The following DYSF variants were observed in gnomAD, a reference collection of about 807,000 sequenced individuals.
DYSF encodes dystrophy-associated fer-1-like 1.
Under a neutral mutation model 274.9 loss-of-function variants are expected in DYSF, and 212 were observed. That is an observed-to-expected ratio of 0.77 (90% CI 0.69 to 0.86). The LOEUF (loss-of-function observed/expected upper bound fraction) is 0.86. Among genes scored for constraint, DYSF ranks in the 40% least tolerant of loss-of-function variants. The pLI, the probability that DYSF is intolerant of heterozygous loss-of-function variation, is 0.00. For synonymous variants in DYSF, 1,091 were observed against 1,078.7 expected (o/e 1.01, Z -0.22); for missense variants, 2,666 against 2,783.2 (o/e 0.96, Z 0.95).
chr2:71,553,952 A>G, intron 21 of DYSF, 21 bp downstream of exon 21: 1 of 1,614,070 alleles, frequency 6.2e-7, no homozygotes, highest in African/African-American at 1.3e-5. Flanking sequence ...ACTTGCCCAA[A>G]GCTGCACATG....
At chr2:71,617,715 GGTGTGTGTGTGGTAGAGGTGGT>G (rs1558634733) in intron 40 of DYSF, among the ~76,000 whole-genome samples, 3 of 105,702 alleles carry the variant, frequency 2.8e-5, no homozygotes, top group Admixed American at 9.9e-5. Context: ...GTAGAGGTGG[GGTGTGTGTGTGGTAGAGGTGGT>G]GTGTGTGTAT....
At chr2:71,664,549 C>A in intron 46 of DYSF, 111 bp downstream of exon 46, 2 of 1,343,968 alleles carry the variant, frequency 1.5e-6, no homozygotes, top group Non-Finnish European at 2.1e-6. Flanking sequence ...GGGCTTAGCA[C>A]TTCCTAGGCA....
At chr2:71,676,797 A>C (rs1438032146) in intron 52 of DYSF, among the ~76,000 whole-genome samples, 3 of 152,124 alleles carry the variant, frequency 2.0e-5, no homozygotes, top group Non-Finnish European at 4.4e-5. Flanking sequence ...TAATTACATA[A>C]CTTGTGTCTT....
chr2:71,648,581 C>A lies in DYSF; in HGVS notation c.4626+4518C>A, dbSNP rs149620785. 7.9e-5 allele frequency among the ~76,000 whole-genome samples: 12 copies of A among 152,096 alleles called. No homozygotes were observed. In the East Asian group the frequency reaches 1.7e-3, roughly 22 times the overall value. ...AAAAAACCATAATGGTTTAATAAAACCTTACGGAAATGAAAGAATAGTTGA... is the reference window on the plus strand; with the variant it reads ...AAAAAACCATAATGGTTTAATAAAAACTTACGGAAATGAAAGAATAGTTGA... On this transcript the variant is annotated intron_variant, in intron 42 of 55. Coordinates refer to ENST00000410020, the MANE Select transcript of DYSF (RefSeq NM_001130987.2).
At position 71,570,907 on chromosome 2, in the gene DYSF, G is replaced by A. The variant is rs889393050; in HGVS notation, c.3228+166G>A. 1.1e-5 allele frequency: 11 copies of A among 979,644 alleles called. No homozygotes were observed. In the African/African-American group the frequency reaches 1.8e-4, roughly 16 times the overall value. The allele number at this position is 979,644 out of a possible 1,614,324, so 60.7% of individuals were successfully genotyped here. On this transcript the variant is annotated intron_variant, in intron 29 of 55. Transcript: ENST00000410020. The stretch of plus-strand genomic sequence containing the variant: ...ACAGATCACACCCAGCATACCCAAA[G>A]ATCACACCCAGCATACACACAGATC...
chr2:71,591,053 T>G (rs2152844457), intron 32 of DYSF, among the ~76,000 whole-genome samples: 1 of 152,340 alleles, frequency 6.6e-6, no homozygotes, highest in African/African-American at 2.4e-5. Context: ...AGCAGACAAG[T>G]CCCTTGTGAT....
chr2:71,565,924 C>T (rs776591424), intron 24 of DYSF, among the ~76,000 whole-genome samples: 4 of 152,194 alleles, frequency 2.6e-5, no homozygotes, highest in South Asian at 2.1e-4. Flanking sequence ...CTGCTCTATG[C>T]GTGCCATGAC....
At chr2:71,534,344 C>T (rs1158933740) in intron 14 of DYSF, among the ~76,000 whole-genome samples, 1 of 152,150 alleles carries the variant, frequency 6.6e-6, no homozygotes, top group East Asian at 1.9e-4. Context: ...GTATAGGATC[C>T]CTGGGGCTGG....
Position 71,615,516 on chromosome 2 carries a change from A to G in DYSF, c.4464+2106A>G, listed in dbSNP as rs891914104. On this transcript the variant is annotated intron_variant, in intron 40 of 55. Transcript: ENST00000410020. This position sits in a 1 kb window ranked among gnomAD's most constrained non-coding sequence, Gnocchi z 4.9. ...GGGAGACCAGTTCTGTTCTGCAGGG[A>G]GCCCTGGCCCTCTGGGGAAGCCCCT... is the stretch of plus-strand genomic sequence containing the variant. 6.6e-6 allele frequency among the ~76,000 whole-genome samples: 1 copy of G among 152,162 alleles called. No individual in the cohort carries two copies. The highest frequency in any genetic ancestry group is 1.5e-5 in the Non-Finnish European group (1 of 68,030).
At chr2:71,571,428 GCACACACAGATCACACCCAGCACA>G (rs2092437706) in intron 29 of DYSF, among the ~76,000 whole-genome samples, 1 of 97,746 alleles carries the variant, frequency 1.0e-5, no homozygotes, top group East Asian at 3.8e-4. Flanking sequence ...ATCACAGTCA[GCACACACAGATCACACCCAGCACA>G]CACACAGATC....
At chr2:71,607,457 C>A (rs2093667269) in intron 36 of DYSF, among the ~76,000 whole-genome samples, 1 of 152,158 alleles carries the variant, frequency 6.6e-6, no homozygotes, top group Non-Finnish European at 1.5e-5. Flanking sequence ...GAAGAGTCTG[C>A]ACTTCATCCT....
At chr2:71,601,881 C>T (rs1473654987) in intron 35 of DYSF, among the ~76,000 whole-genome samples, 2 of 152,220 alleles carry the variant, frequency 1.3e-5, no homozygotes, top group Non-Finnish European at 2.9e-5. Flanking sequence ...CTGACTTAGC[C>T]CCAGGGTTCT....
In DYSF at chr2:71,517,106, C is replaced by A. The variant is rs2086737902; in HGVS notation, c.1002+67C>A. ...TCCGTGTTGGTGGAGCCTCTGTGGA[C>A]CATGGGCAGGGGCTCCAGAGATCCT... On this transcript the variant is annotated intron_variant, in intron 10 of 55. Coordinates refer to ENST00000410020, the MANE Select transcript of DYSF (RefSeq NM_001130987.2). 15 of 1,451,814 alleles carry A rather than the reference C, an allele frequency of 1.0e-5. No individual in the cohort carries two copies. The South Asian group carries it at 1.6e-4, about 15-fold the overall frequency. 89.9% of individuals were successfully genotyped at this position (1,451,814 alleles called of 1,614,324 possible).
Position 71,610,976 on chromosome 2 carries a change from TG to T in DYSF, c.3958-266del, listed in dbSNP as rs1291389225. On this transcript the variant is annotated intron_variant, in intron 36 of 55. Coordinates refer to ENST00000410020, the MANE Select transcript of DYSF (RefSeq NM_001130987.2). Reference sequence around the variant, plus strand: ...TCAGGGGGCATCAGAGCCTGCATTATGGGAGGAGGGGTGACGGGATTCAGTT... The same window carrying T: ...TCAGGGGGCATCAGAGCCTGCATTATGGAGGAGGGGTGACGGGATTCAGTT... The T allele has an allele frequency of 9.9e-6, 5 of 506,110 alleles. No homozygotes were observed. In the East Asian group the frequency reaches 1.5e-4, roughly 15 times the overall value. 31.4% of individuals were successfully genotyped at this position (506,110 alleles called of 1,614,324 possible).
At chr2:71,501,025 A>G (rs1248535154) in intron 3 of DYSF, among the ~76,000 whole-genome samples, 2 of 152,120 alleles carry the variant, frequency 1.3e-5, no homozygotes, top group Non-Finnish European at 2.9e-5. Flanking sequence ...AGGACAATTC[A>G]GTCAACATAC....
intron 30 of DYSF, chr2:71,577,271 C>G (rs1367189234): frequency 6.5e-6 from 1 of 153,816 alleles, no homozygotes; most frequent in Admixed American, 6.6e-5. Flanking sequence ...CACACACACT[C>G]TTTCCACTCA....
chr2:71,513,888 A>G lies in DYSF; in HGVS notation c.726A>G (p.Arg242=), dbSNP rs1176505052. The part of the protein sequence containing the change: ...IKRKRSAPTS[R]KLLSDKPQDF... ...GAAAGCGAAGTGCGCCTACATCTAG[A>G]AAGCTGCTGTCAGACAAACCGCAGG... The change falls in exon 7 of 56, where the codon AGA becomes AGG. Residue 242 remains arginine (R), a synonymous_variant. Coordinates refer to ENST00000410020, the MANE Select transcript of DYSF (RefSeq NM_001130987.2). The G allele has an allele frequency of 1.2e-6, 2 of 1,614,196 alleles. No homozygotes were observed. Among genetic ancestry groups the G allele is most frequent in the East Asian group, 4.5e-5 (2 of 44,872 alleles).
intron 12 of DYSF, among the ~76,000 whole-genome samples, chr2:71,522,141 A>G (rs1473749050): frequency 4.0e-5 from 6 of 151,854 alleles, no homozygotes; most frequent in Admixed American, 3.9e-4. Context: ...GATCTGTACC[A>G]GGCTCAAGAT....
chr2:71,682,623 C>T lies in DYSF; in HGVS notation c.6267C>T (p.Phe2089=). Reference sequence around the variant, plus strand: ...GTTTCCGGTGGGCCATCATCCTCTTCATCATCCTCTTCATCCTGCTGCTGT... The same window carrying T: ...GTTTCCGGTGGGCCATCATCCTCTTTATCATCCTCTTCATCCTGCTGCTGT... The part of the protein sequence containing the change: ...WRRFRWAIIL[F]IILFILLLFL... The change falls in exon 55 of 56, where the codon TTC becomes TTT. Residue 2089 remains phenylalanine, a synonymous_variant. Coordinates refer to ENST00000410020, the MANE Select transcript of DYSF (RefSeq NM_001130987.2). The T allele has an allele frequency of 1.2e-6, 2 of 1,614,138 alleles. No homozygotes were observed. Among genetic ancestry groups the T allele is most frequent in the Non-Finnish European group, 1.7e-6 (2 of 1,180,018 alleles).
Sources: gnomAD v4.1 joint callset for allele counts (sites outside exome capture counted in the v4.1 genomes callset) on GRCh38, gnomAD v4.1.1 for gene constraint, Gnocchi (gnomAD v3.1) non-coding constraint, MANE v1.5 for transcripts, NCBI Gene and HGNC (gene_info 2026-07-23, HGNC 2026-07-21) for gene names.